The following TPRA1 variants were observed in gnomAD, a reference collection of about 807,000 sequenced individuals.
TPRA1 encodes transmembrane protein adipocyte-associated 1.
TPRA1 carries 28 observed loss-of-function variants against 40.1 expected under a neutral mutation model. The ratio of observed to expected loss-of-function variants is 0.70; its 90% CI spans 0.52 to 0.96. The LOEUF is 0.96. Among genes scored for constraint, TPRA1 ranks in the 40% least tolerant of loss-of-function variants. TPRA1 has a pLI of 0.00. For missense variants in TPRA1, 441 were observed against 482.6 expected (o/e 0.91, Z 0.81); for synonymous variants, 219 against 209.7 (o/e 1.04, Z -0.38).
chr3:127,578,675 C>A (rs577489482), intron 3 of TPRA1, among the ~76,000 whole-genome samples: 1 of 152,342 alleles, frequency 6.6e-6, no homozygotes, highest in African/African-American at 2.4e-5. Context: ...AGTTCCCAGT[C>A]CTGTCTACCA....
chr3:127,582,344 C>CT (rs1264390747), intron 1 of TPRA1, among the ~76,000 whole-genome samples: 1 of 151,854 alleles, frequency 6.6e-6, no homozygotes, highest in East Asian at 2.0e-4. Context: ...GGAGGGAGGA[C>CT]TGCTTGAGCT....
In TPRA1 at chr3:127,575,043, T is replaced by C. The variant is rs1156563188; in HGVS notation, c.854+142A>G. The C allele has an allele frequency of 7.1e-6, 6 of 848,724 alleles. No individual in the cohort carries two copies. The African/African-American group carries it at 8.6e-5, about 12-fold the overall frequency. 52.6% of individuals were successfully genotyped at this position (848,724 alleles called of 1,614,324 possible). A position where few individuals can be genotyped will look rare whatever the true frequency, so the allele number is the denominator to read the frequency against. On this transcript the variant is annotated intron_variant, in intron 10 of 10. Transcript: ENST00000355552. ...ATGTGCATGTGTATCTGTATGTGTGTGCCCAAGTGCATGTATGTATGTGCG... is the reference window on the plus strand; with the variant it reads ...ATGTGCATGTGTATCTGTATGTGTGCGCCCAAGTGCATGTATGTATGTGCG...
At chr3:127,581,203 CAG>C (rs1465643384) in intron 1 of TPRA1, among the ~76,000 whole-genome samples, 2 of 152,194 alleles carry the variant, frequency 1.3e-5, no homozygotes, top group African/African-American at 4.8e-5. Flanking sequence ...ATGATTTGAA[CAG>C]ATTGGGCCAG....
chr3:127,579,961 C>T, intron 2 of TPRA1, 61 bp downstream of exon 2: 1 of 1,610,064 alleles, frequency 6.2e-7, no homozygotes, highest in Non-Finnish European at 8.5e-7. Flanking sequence ...CTCACCACCC[C>T]CCTACACCAG....
upstream of TPRA1, among the ~76,000 whole-genome samples, chr3:127,594,421 C>T (rs2074222499): frequency 6.6e-6 from 1 of 152,174 alleles, no homozygotes; most frequent in East Asian, 1.9e-4. Flanking sequence ...TGGGAAAAAC[C>T]ACAAAGTAGA....
chr3:127,597,425 T>C (rs1025248017), intron 1 of TPRA1, among the ~76,000 whole-genome samples: 1 of 152,234 alleles, frequency 6.6e-6, no homozygotes, highest in Non-Finnish European at 1.5e-5. Context: ...TGGCCTTCCA[T>C]TGCTTTCAGA....
intron 1 of TPRA1, 56 bp downstream of exon 1, chr3:127,590,354 G>C (rs1369319828): frequency 6.6e-6 from 1 of 152,240 alleles, no homozygotes; most frequent in African/African-American, 2.4e-5. Context: ...GCCGGGGCGA[G>C]GGACGGGGCT....
intron 2 of TPRA1, 58 bp downstream of exon 2, chr3:127,579,964 T>A: frequency 6.2e-7 from 1 of 1,604,096 alleles, no homozygotes; most frequent in Admixed American, 1.7e-5. Context: ...ACCACCCCCC[T>A]ACACCAGGAA....
intron 1 of TPRA1, among the ~76,000 whole-genome samples, chr3:127,596,703 C>T (rs953630761): frequency 6.6e-6 from 1 of 152,198 alleles, no homozygotes; most frequent in African/African-American, 2.4e-5. Context: ...ATCTTCTTCC[C>T]CCTTAAATTG....
Position 127,572,011 on chromosome 3 carries a change from CCT to C in TPRA1, c.*1508_*1509del, listed in dbSNP as rs144071768. 0.047 allele frequency among the ~76,000 whole-genome samples: 7,212 copies of C among 152,236 alleles called. 244 individuals carry two copies. The highest frequency in any genetic ancestry group is 0.073 in the Non-Finnish European group (4,964 of 68,012). ...CTCAGAATGCCGTGAGCTTGCCTTC[CCT>C]GATTACCAGGCTTTTACATGAGCTG... On this transcript the variant is annotated 3_prime_UTR_variant, in exon 11 of 11. Transcript: ENST00000355552.
At chr3:127,577,208 G>A in intron 3 of TPRA1, 132 bp from the exon 4 acceptor site, 1 of 864,380 alleles carries the variant, frequency 1.2e-6, no homozygotes, top group Non-Finnish European at 1.9e-6. Flanking sequence ...GCAAAGTCAG[G>A]GTGGGACACA....
chr3:127,590,937 G>GA (rs1192078297), upstream of TPRA1: 1 of 152,308 alleles, frequency 6.6e-6, no homozygotes, highest in African/African-American at 2.4e-5. Flanking sequence ...CTTCACGGAA[G>GA]AGAGAGGCCT....
At chr3:127,574,614 T>G (rs1490864453) in intron 10 of TPRA1, among the ~76,000 whole-genome samples, 4 of 152,260 alleles carry the variant, frequency 2.6e-5, no homozygotes, top group African/African-American at 9.6e-5. Flanking sequence ...GCCTCGCATC[T>G]TCTGGCTCTA....
At chr3:127,581,373 G>A (rs142018560) in intron 1 of TPRA1, among the ~76,000 whole-genome samples, 17 of 152,328 alleles carry the variant, frequency 1.1e-4, no homozygotes, top group East Asian at 3.9e-4. Context: ...CAGGCAACAC[G>A]AATGACTCTC....
intron 1 of TPRA1, among the ~76,000 whole-genome samples, chr3:127,589,206 G>A (rs1576398009): frequency 6.8e-6 from 1 of 147,042 alleles, no homozygotes; most frequent in African/African-American, 2.5e-5. Context: ...GCTAGGCTCA[G>A]GTCATGGTCA....
chr3:127,577,207 G>T, intron 3 of TPRA1, 131 bp from the exon 4 acceptor site: 1 of 872,198 alleles, frequency 1.1e-6, no homozygotes, highest in Non-Finnish European at 1.8e-6. Context: ...CGCAAAGTCA[G>T]GGTGGGACAC....
At chr3:127,575,162 G>A in intron 10 of TPRA1, 23 bp downstream of exon 10, 1 of 1,610,732 alleles carries the variant, frequency 6.2e-7, no homozygotes. Flanking sequence ...GCCACGCGGG[G>A]GCGCCGGCGG....
At chr3:127,577,261 C>T (rs2073673770) in intron 3 of TPRA1, among the ~76,000 whole-genome samples, 185 bp from the exon 4 acceptor site, 1 of 152,194 alleles carries the variant, frequency 6.6e-6, no homozygotes, top group Non-Finnish European at 1.5e-5. Context: ...CACAGAGTTG[C>T]AGACCCTCAA....
At chr3:127,580,343 G>T in intron 1 of TPRA1, 180 bp from the exon 2 acceptor site, 1 of 644,004 alleles carries the variant, frequency 1.6e-6, no homozygotes, top group Non-Finnish European at 2.6e-6. Flanking sequence ...AATCCCCCAG[G>T]CAGGGGCCCA....
Sources: gnomAD v4.1 joint callset for allele counts (sites outside exome capture counted in the v4.1 genomes callset) on GRCh38, gnomAD v4.1.1 for gene constraint, MANE v1.5 for transcripts, NCBI Gene and HGNC (gene_info 2026-07-23, HGNC 2026-07-21) for gene names.